The following SNAI2 variants were observed in gnomAD, a reference collection of about 807,000 sequenced individuals.
The protein encoded by SNAI2 is snail family transcriptional repressor 2.
In SNAI2, 2 loss-of-function variants were observed where a neutral mutation model predicts 22.4. That is an observed-to-expected ratio of 0.09 (90% CI 0.04 to 0.28). The LOEUF (loss-of-function observed/expected upper bound fraction) is 0.28, where lower values mean the gene tolerates loss of function less well. Ranked by LOEUF, SNAI2 falls within the 10% of genes least tolerant of loss-of-function variation. SNAI2 has a pLI of 1.00. For missense variants in SNAI2, 239 were observed against 320.8 expected, an observed-to-expected ratio of 0.75 and a Z score of 1.95; for synonymous variants, 134 against 123.0, an observed-to-expected ratio of 1.09 and a Z score of -0.59.
Position 48,921,294 on chromosome 8 carries a change from C to T in SNAI2, c.-29G>A, listed in dbSNP as rs765800238. The T allele has an allele frequency of 3.8e-6, 6 of 1,585,332 alleles. No homozygotes were observed. Among genetic ancestry groups the T allele is most frequent in the Non-Finnish European group, 5.2e-6 (6 of 1,157,956 alleles). ...GCCAGCGGGTCTGGCGGGCGCCCGG[C>T]GCGGATAACGGTCCGGCGGGAGGAC... On this transcript the variant is annotated 5_prime_UTR_variant, in exon 1 of 3. Transcript: ENST00000020945.
chr8:48,918,732 C>T lies in SNAI2; in HGVS notation c.*75G>A, dbSNP rs934930988. 3.9e-6 allele frequency: 6 copies of T among 1,527,900 alleles called. No individual in the cohort carries two copies. The highest frequency in any genetic ancestry group is 3.3e-5 in the Admixed American group (2 of 59,838). 94.6% of individuals were successfully genotyped at this position (1,527,900 alleles called of 1,614,324 possible). A position where few individuals can be genotyped will look rare whatever the true frequency, so the allele number is the denominator to read the frequency against. ...TGGTTGGTCAGCACAGGAGAAAATG[C>T]CTTTGGACTTTATTTGTCATTTGGC... On this transcript the variant is annotated 3_prime_UTR_variant, in exon 3 of 3. Transcript: ENST00000020945.
intron 2 of SNAI2, among the ~76,000 whole-genome samples, chr8:48,919,210 G>A (rs1197406586): frequency 1.3e-5 from 2 of 152,158 alleles, no homozygotes; most frequent in African/African-American, 4.8e-5. Flanking sequence ...TATTACTGCT[G>A]CCAATCATAC....
rs931980547 is a variant in SNAI2 at position 48,921,272 on chromosome 8, A to G, written c.-7T>C. 3 of 1,612,208 alleles carry G rather than the reference A, an allele frequency of 1.9e-6. No homozygotes were observed. Among genetic ancestry groups the G allele is most frequent in the Non-Finnish European group, 2.5e-6 (3 of 1,179,602 alleles). On this transcript the variant is annotated 5_prime_UTR_variant, in exon 1 of 3. Transcript: ENST00000020945. ...CCAGGAAGGAGCGCGGCATCTTGCC[A>G]GCGGGTCTGGCGGGCGCCCGGCGCG... is the stretch of plus-strand genomic sequence containing the variant.
chr8:48,918,778 TC>T lies in SNAI2; in HGVS notation c.*28del, dbSNP rs764935629. The T allele has an allele frequency of 3.1e-6, 5 of 1,612,982 alleles. No individual in the cohort carries two copies. In the African/African-American group the frequency reaches 6.7e-5, roughly 22 times the overall value. On this transcript the variant is annotated 3_prime_UTR_variant, in exon 3 of 3. Transcript: ENST00000020945. ...TTGGCTTCGGAGTGAAGAAATGCATTCTGTTCGAGTAAACATTGATTGCGTC... is the reference window on the plus strand; with the variant it reads ...TTGGCTTCGGAGTGAAGAAATGCATTTGTTCGAGTAAACATTGATTGCGTC...
Position 48,919,003 on chromosome 8 carries a change from G to C in SNAI2, c.626-15C>G. Reference sequence around the variant, plus strand: ...AGGCTTCTCCCCTGGGGGTGGAGTGGGAGAAAAAAAGAAAGACAGTCAGTG... The same window carrying C: ...AGGCTTCTCCCCTGGGGGTGGAGTGCGAGAAAAAAAGAAAGACAGTCAGTG... On this transcript the variant is annotated splice_polypyrimidine_tract_variant and intron_variant, in intron 2 of 2. Coordinates refer to ENST00000020945, the MANE Select transcript of SNAI2 (RefSeq NM_003068.5). The C allele has an allele frequency of 6.2e-7, 1 of 1,610,654 alleles. No homozygotes were observed. Among genetic ancestry groups the C allele is most frequent in the Non-Finnish European group, 8.5e-7 (1 of 1,179,022 alleles).
Position 48,920,265 on chromosome 8 carries a change from C to G in SNAI2, c.256G>C (p.Val86Leu). The G allele has an allele frequency of 6.2e-7, 1 of 1,613,930 alleles. No homozygotes were observed. The highest frequency in any genetic ancestry group is 8.5e-7 in the Non-Finnish European group (1 of 1,179,916). ...GTGTCAGATGGAGGAGGGGGACTCA[C>G]TCGCCCCAAAGATGAGGAGTATCCG... ...LSGYSSSLGR[V>L]SPPPPSDTSS... Residue 86 changes from valine (V) to leucine (L), a missense_variant, in exon 2 of 3, where the codon GTG (valine) becomes CTG (leucine). Val to Leu is a conservative substitution (Grantham distance 32, BLOSUM62 1). Coordinates refer to ENST00000020945, the MANE Select transcript of SNAI2 (RefSeq NM_003068.5).
chr8:48,918,571 A>G lies in SNAI2; in HGVS notation c.*236T>C, dbSNP rs1411205250. 1.3e-5 allele frequency: 7 copies of G among 523,672 alleles called. No homozygotes were observed. The highest frequency in any genetic ancestry group is 1.0e-5 in the Non-Finnish European group (3 of 293,188). 32.4% of individuals were successfully genotyped at this position (523,672 alleles called of 1,614,324 possible). A position where few individuals can be genotyped will look rare whatever the true frequency, so the allele number is the denominator to read the frequency against. Reference sequence around the variant, plus strand: ...CTTTTATTCTCTCAATCTAGCCATCAGCAAATATATAGTAATTTTAAACTT... The same window carrying G: ...CTTTTATTCTCTCAATCTAGCCATCGGCAAATATATAGTAATTTTAAACTT... On this transcript the variant is annotated 3_prime_UTR_variant, in exon 3 of 3. Coordinates refer to ENST00000020945, the MANE Select transcript of SNAI2 (RefSeq NM_003068.5).
rs1472034350 is a variant in SNAI2, at chr8:48,920,129, T to C, written c.392A>G (p.Asn131Ser). ...HAIEAEKFQC[N>S]LCNKTYSTFS... ...AGTTGAATAGGTCTTATTGCATAAA[T>C]TGCACTGAAACTTTTCAGCTTCAAT... The change falls in exon 2 of 3, where the codon AAT (asparagine) becomes AGT (serine). Residue 131 changes from asparagine (N) to serine (S), a missense_variant. Physicochemically the swap from Asn to Ser is conservative, Grantham distance 46. This residue lies in a region of SNAI2 where 183 missense variants were observed against 190.4 expected (regional missense o/e 0.96). Coordinates refer to ENST00000020945, the MANE Select transcript of SNAI2 (RefSeq NM_003068.5). 2 of 1,614,076 alleles carry C rather than the reference T, an allele frequency of 1.2e-6. No homozygotes were observed. Among genetic ancestry groups the C allele is most frequent in the Non-Finnish European group, 1.7e-6 (2 of 1,180,050 alleles).
rs78830147 is a variant in SNAI2, at chr8:48,918,467, A to C, written c.*340T>G. On this transcript the variant is annotated 3_prime_UTR_variant, in exon 3 of 3. Coordinates refer to ENST00000020945, the MANE Select transcript of SNAI2 (RefSeq NM_003068.5). ...TTTTCAGTTGAAATGATTTGGCAGC[A>C]ATGTAAATCTTTGCATTTTTTTAGG... The C allele has an allele frequency of 2.3e-4, 71 of 312,400 alleles. 1 individual carries two copies. In the East Asian group the frequency reaches 5.5e-3, roughly 24 times the overall value. The allele number at this position is 312,400 out of a possible 1,614,324, so 19.4% of individuals were successfully genotyped here. A position where few individuals can be genotyped will look rare whatever the true frequency, so the allele number is the denominator to read the frequency against.
intron 2 of SNAI2, among the ~76,000 whole-genome samples, chr8:48,919,463 C>T (rs1472174969): frequency 2.0e-5 from 3 of 152,240 alleles, no homozygotes; most frequent in Non-Finnish European, 4.4e-5. Flanking sequence ...TTAGTTTCAA[C>T]TATCCAAGTC....
At chr8:48,919,080 T>C (rs1563479451) in intron 2 of SNAI2, 92 bp from the exon 3 acceptor site, 1 of 1,309,038 alleles carries the variant, frequency 7.6e-7, no homozygotes, top group Admixed American at 2.0e-5. Context: ...CAATCACATT[T>C]TGCTTAAATA....
rs1806161509 is a variant in SNAI2 at position 48,921,398 on chromosome 8, G to A, written c.-133C>T. 4.1e-6 allele frequency: 3 copies of A among 730,426 alleles called. No individual in the cohort carries two copies. Among genetic ancestry groups the A allele is most frequent in the Non-Finnish European group, 4.8e-6 (2 of 413,112 alleles). The allele number at this position is 730,426 out of a possible 1,614,324, so 45.2% of individuals were successfully genotyped here. Reference sequence around the variant, plus strand: ...AGGTGCGGCAGACGGACGGGCCGGCGCCTCTGAAGTCACCCGGCTCCTTTA... The same window carrying A: ...AGGTGCGGCAGACGGACGGGCCGGCACCTCTGAAGTCACCCGGCTCCTTTA... On this transcript the variant is annotated 5_prime_UTR_variant, in exon 1 of 3. Coordinates refer to ENST00000020945, the MANE Select transcript of SNAI2 (RefSeq NM_003068.5).
Position 48,918,803 on chromosome 8 carries a change from T to C in SNAI2, c.*4A>G. On this transcript the variant is annotated 3_prime_UTR_variant, in exon 3 of 3. Transcript: ENST00000020945. ...TCTGTTCGAGTAAACATTGATTGCG[T>C]CACTCAGTGTGCTACACAGCAGCCA... 6.2e-7 allele frequency: 1 copy of C among 1,614,038 alleles called. No homozygotes were observed. The highest frequency in any genetic ancestry group is 1.1e-5 in the South Asian group (1 of 91,074).
At position 48,918,888 on chromosome 8, in the gene SNAI2, C is replaced by T. The variant is rs764888332; in HGVS notation, c.726G>A (p.Gln242=). 1.9e-6 allele frequency: 3 copies of T among 1,614,092 alleles called. No homozygotes were observed. The highest frequency in any genetic ancestry group is 1.7e-5 in the Admixed American group (1 of 60,026). Residue 242 remains glutamine, a synonymous_variant, in exon 3 of 3, where the codon CAG becomes CAA. Coordinates refer to ENST00000020945, the MANE Select transcript of SNAI2 (RefSeq NM_003068.5). ...LQTHSDVKKY[Q]CKNCSKTFSR... is the part of the protein sequence containing the mutation. ...AGAAGGTTTTGGAGCAGTTTTTGCACTGGTATTTCTTTACATCAGAATGGG... is the reference window on the plus strand; with the variant it reads ...AGAAGGTTTTGGAGCAGTTTTTGCATTGGTATTTCTTTACATCAGAATGGG...
Position 48,920,518 on chromosome 8 carries a change from C to G in SNAI2, c.80-77G>C, listed in dbSNP as rs547178999. On this transcript the variant is annotated intron_variant, in intron 1 of 2. Coordinates refer to ENST00000020945, the MANE Select transcript of SNAI2 (RefSeq NM_003068.5). ...AAATCCACACGCAAGTATACACACA[C>G]TGGAAAGATATTTAGCAACACACAC... 38 of 1,285,042 alleles carry G rather than the reference C, an allele frequency of 3.0e-5. No individual in the cohort carries two copies. In the South Asian group the frequency reaches 4.4e-4, roughly 15 times the overall value. 79.6% of individuals were successfully genotyped at this position (1,285,042 alleles called of 1,614,324 possible). A position where few individuals can be genotyped will look rare whatever the true frequency, so the allele number is the denominator to read the frequency against.
Position 48,920,156 on chromosome 8 carries a change from G to C in SNAI2, c.365C>G (p.Ala122Gly), listed in dbSNP as rs181954619. ...RLQSKLSDPH[A>G]IEAEKFQCNL... The stretch of plus-strand genomic sequence containing the variant: ...GCACTGAAACTTTTCAGCTTCAATG[G>C]CATGGGGGTCTGAAAGCTTGGACTG... Residue 122 changes from alanine to glycine, a missense_variant, in exon 2 of 3, where the codon GCC becomes GGC. Physicochemically the swap from Ala to Gly is moderately conservative, Grantham distance 60. Around this residue, in one of 3 missense-constraint regions of SNAI2, gnomAD observed 183 missense variants for 190.4 expected, o/e 0.96. Coordinates refer to ENST00000020945, the MANE Select transcript of SNAI2 (RefSeq NM_003068.5). The C allele has an allele frequency of 5.0e-6, 8 of 1,614,100 alleles. No individual in the cohort carries two copies. The African/African-American group carries it at 1.1e-4, about 22-fold the overall frequency.
At position 48,921,278 on chromosome 8, in the gene SNAI2, T is replaced by C. The variant is rs886062987; in HGVS notation, c.-13A>G. ...AGGAGCGCGGCATCTTGCCAGCGGG[T>C]CTGGCGGGCGCCCGGCGCGGATAAC... On this transcript the variant is annotated 5_prime_UTR_variant, in exon 1 of 3. Coordinates refer to ENST00000020945, the MANE Select transcript of SNAI2 (RefSeq NM_003068.5). 6.2e-7 allele frequency: 1 copy of C among 1,610,022 alleles called. No individual in the cohort carries two copies. The highest frequency in any genetic ancestry group is 1.3e-5 in the African/African-American group (1 of 75,016).
chr8:48,921,367 G>A lies in SNAI2; in HGVS notation c.-102C>T, dbSNP rs576060545. The A allele has an allele frequency of 3.4e-6, 3 of 886,632 alleles. No homozygotes were observed. Among genetic ancestry groups the A allele is most frequent in the Non-Finnish European group, 5.6e-6 (3 of 534,040 alleles). 54.9% of individuals were successfully genotyped at this position (886,632 alleles called of 1,614,324 possible). A position where few individuals can be genotyped will look rare whatever the true frequency, so the allele number is the denominator to read the frequency against. ...GGCGGGCCAGGCTCGGGCAGGGGCC[G>A]TGCTCAGGTGCGGCAGACGGACGGG... is the stretch of plus-strand genomic sequence containing the variant. On this transcript the variant is annotated 5_prime_UTR_variant, in exon 1 of 3. It adds an upstream start codon to the 5' untranslated region. Coordinates refer to ENST00000020945, the MANE Select transcript of SNAI2 (RefSeq NM_003068.5).
Position 48,918,232 on chromosome 8 carries a change from G to A in SNAI2, c.*575C>T, listed in dbSNP as rs1048393564. 6.5e-6 allele frequency: 1 copy of A among 153,438 alleles called. No homozygotes were observed. 9.5% of individuals were successfully genotyped at this position (153,438 alleles called of 1,614,324 possible). On this transcript the variant is annotated 3_prime_UTR_variant, in exon 3 of 3. Transcript: ENST00000020945. Reference sequence around the variant, plus strand: ...CTTTTAATACATTCTCCTGTGTTTTGTTCTTGTTATTTTTTTCCTCCCTTT... The same window carrying A: ...CTTTTAATACATTCTCCTGTGTTTTATTCTTGTTATTTTTTTCCTCCCTTT...
Sources: allele counts gnomAD v4.1 joint callset (sites outside exome capture counted in the v4.1 genomes callset), GRCh38; gene constraint gnomAD v4.1.1; regional missense constraint gnomAD v4.1.1; transcripts MANE v1.5; gene names NCBI Gene and HGNC (gene_info 2026-07-23, HGNC 2026-07-21).